The following RIMBP2 variants were observed in gnomAD, a reference collection of about 807,000 sequenced individuals.
The protein encoded by RIMBP2 is RIMS binding protein 2.
RIMBP2 carries 48 observed loss-of-function variants against 118.6 expected under a neutral mutation model. The observed-to-expected ratio is 0.40, with a 90% CI of 0.32 to 0.51. The LOEUF (loss-of-function observed/expected upper bound fraction) is 0.51. Among genes scored for constraint, RIMBP2 ranks in the 20% least tolerant of loss-of-function variants. The pLI, the probability that RIMBP2 is intolerant of heterozygous loss-of-function variation, is 0.41. For missense variants in RIMBP2, 1,551 were observed against 1,768.3 expected, an observed-to-expected ratio of 0.88 and a Z score of 2.20; for synonymous variants, 762 against 742.9, an observed-to-expected ratio of 1.03 and a Z score of -0.42.
rs1056680231 is a variant in RIMBP2 at position 130,621,872 on chromosome 12, C to T, written c.-217+6450G>A. 1.3e-5 allele frequency among the ~76,000 whole-genome samples: 2 copies of T among 152,160 alleles called. No homozygotes were observed. Among genetic ancestry groups the T allele is most frequent in the Non-Finnish European group, 2.9e-5 (2 of 68,028 alleles). Reference sequence around the variant, plus strand: ...GAACCCAGCCTGGTACTGAGGCCAGCAGGCCAGCATCACACACACTTCCCG... The same window carrying T: ...GAACCCAGCCTGGTACTGAGGCCAGTAGGCCAGCATCACACACACTTCCCG... On this transcript the variant is annotated intron_variant, in intron 2 of 22. Coordinates refer to ENST00000690449, the MANE Select transcript of RIMBP2 (RefSeq NM_001393629.1). This position sits in a 1 kb window ranked among gnomAD's most constrained non-coding sequence, Gnocchi z 6.6.
intron 2 of RIMBP2, among the ~76,000 whole-genome samples, chr12:130,604,435 G>T (rs936033969): frequency 6.7e-6 from 1 of 149,162 alleles, no homozygotes; most frequent in Admixed American, 6.7e-5. Context: ...GCCTACAGTC[G>T]TGCAGTGGAA....
At chr12:130,467,017 A>G (rs2080542719) in intron 6 of RIMBP2, among the ~76,000 whole-genome samples, 2 of 152,228 alleles carry the variant, frequency 1.3e-5, no homozygotes, top group African/African-American at 4.8e-5. Flanking sequence ...CCATTGCAAA[A>G]TGATAACTGA....
At position 130,446,265 on chromosome 12, in the gene RIMBP2, G is replaced by A. The variant is rs1201623439; in HGVS notation, c.582-996C>T. Among the ~76,000 whole-genome samples the A allele has an allele frequency of 6.6e-6, 1 of 152,174 alleles. No homozygotes were observed. Among genetic ancestry groups the A allele is most frequent in the South Asian group, 2.1e-4 (1 of 4,828 alleles). Reference sequence around the variant, plus strand: ...CCAGACACTGTAATATTATAATTATGATATGAAAATGATTCATGCATCAGT... The same window carrying A: ...CCAGACACTGTAATATTATAATTATAATATGAAAATGATTCATGCATCAGT... On this transcript the variant is annotated intron_variant, in intron 9 of 22. Transcript: ENST00000690449. The surrounding 1 kb of genome is among the most constrained non-coding windows in gnomAD (Gnocchi z 4.1).
intron 2 of RIMBP2, among the ~76,000 whole-genome samples, chr12:130,559,920 T>G (rs1593797958): frequency 6.6e-6 from 1 of 152,218 alleles, no homozygotes; most frequent in Admixed American, 6.5e-5. Flanking sequence ...CTCGAAGGGT[T>G]GTTTAGGACA....
At chr12:130,457,374 G>A (rs1405623501) in intron 6 of RIMBP2, among the ~76,000 whole-genome samples, 2 of 152,186 alleles carry the variant, frequency 1.3e-5, no homozygotes, top group Non-Finnish European at 2.9e-5. Context: ...CACAGGAAAG[G>A]GGTAGCCCAG....
chr12:130,573,199 T>C (rs186529605), intron 2 of RIMBP2, among the ~76,000 whole-genome samples: 1 of 152,106 alleles, frequency 6.6e-6, no homozygotes, highest in Admixed American at 6.6e-5. Flanking sequence ...TCTATACTTA[T>C]TCTATATTTA....
At chr12:130,474,946 T>C (rs1351130871) in intron 5 of RIMBP2, among the ~76,000 whole-genome samples, 1 of 152,190 alleles carries the variant, frequency 6.6e-6, no homozygotes, top group Non-Finnish European at 1.5e-5. Flanking sequence ...AAACGTCTGT[T>C]GAGTGAATGG....
intron 1 of RIMBP2, among the ~76,000 whole-genome samples, chr12:130,687,107 T>C (rs2065087894): frequency 6.6e-6 from 1 of 152,162 alleles, no homozygotes; most frequent in East Asian, 1.9e-4. Context: ...TTTTTTCAGG[T>C]CAGCGCCCAG....
chr12:130,408,423 G>A (rs559846888), intron 19 of RIMBP2, among the ~76,000 whole-genome samples: 8 of 152,288 alleles, frequency 5.3e-5, no homozygotes, highest in East Asian at 1.9e-4. Context: ...GTTTAGCAGC[G>A]GCCGTAGAGA....
intron 1 of RIMBP2, among the ~76,000 whole-genome samples, chr12:130,668,922 T>C (rs1470135608): frequency 1.3e-5 from 2 of 152,228 alleles, no homozygotes; most frequent in African/African-American, 4.8e-5. Context: ...AGAGCCCCTG[T>C]ACAGCGTTAG....
intron 17 of RIMBP2, among the ~76,000 whole-genome samples, chr12:130,415,400 C>G (rs958462135): frequency 1.3e-4 from 20 of 152,078 alleles, no homozygotes; most frequent in African/African-American, 4.8e-4. Flanking sequence ...AAAGATGTAC[C>G]TCAAAAATAG....
intron 1 of RIMBP2, among the ~76,000 whole-genome samples, chr12:130,651,956 T>C (rs2063249003): frequency 6.6e-6 from 1 of 152,218 alleles, no homozygotes; most frequent in Admixed American, 6.5e-5. Flanking sequence ...GGCTTTGAGG[T>C]TGTTTGCTGG....
In RIMBP2 at chr12:130,581,207, G is replaced by A. The variant is rs1301220769; in HGVS notation, c.-217+47115C>T. Among the ~76,000 whole-genome samples, 1 of 152,088 alleles carries A rather than the reference G, an allele frequency of 6.6e-6. No homozygotes were observed. Among genetic ancestry groups the A allele is most frequent in the East Asian group, 1.9e-4 (1 of 5,174 alleles). ...CTAGCTCAAGGGTGGCAGCCTCTGG[G>A]TCATCAACTGAAATGCCCCGTGGTC... On this transcript the variant is annotated intron_variant, in intron 2 of 22. Transcript: ENST00000690449. The surrounding 1 kb of genome is among the most constrained non-coding windows in gnomAD (Gnocchi z 4.4).
At chr12:130,585,240 G>A (rs1348747437) in intron 2 of RIMBP2, among the ~76,000 whole-genome samples, 4 of 152,106 alleles carry the variant, frequency 2.6e-5, no homozygotes, top group Non-Finnish European at 5.9e-5. Flanking sequence ...GTGTAACCAT[G>A]TCCCCCACGG....
At chr12:130,507,019 G>T (rs545207996) in intron 3 of RIMBP2, among the ~76,000 whole-genome samples, 8 of 152,204 alleles carry the variant, frequency 5.3e-5, no homozygotes, top group East Asian at 1.9e-4. Context: ...TTGGTTCAGG[G>T]TTGCAAATGT....
intron 2 of RIMBP2, among the ~76,000 whole-genome samples, chr12:130,551,473 A>T (rs1217948392): frequency 6.6e-6 from 1 of 152,236 alleles, no homozygotes; most frequent in East Asian, 1.9e-4. Context: ...AATCTAAAAA[A>T]AATGTCCCAT....
Position 130,581,479 on chromosome 12 carries a change from G to C in RIMBP2, c.-217+46843C>G, listed in dbSNP as rs1404919679. Among the ~76,000 whole-genome samples, 1 of 152,164 alleles carries C rather than the reference G, an allele frequency of 6.6e-6. No individual in the cohort carries two copies. Among genetic ancestry groups the C allele is most frequent in the Non-Finnish European group, 1.5e-5 (1 of 68,018 alleles). ...GCCCACCCAGCCTGTCCCAGTGGAG[G>C]TCTCAGAGGCATCATAAGAGCATCC... On this transcript the variant is annotated intron_variant, in intron 2 of 22. Transcript: ENST00000690449. This position sits in a 1 kb window ranked among gnomAD's most constrained non-coding sequence, Gnocchi z 4.4.
chr12:130,632,535 G>A (rs2062062868), intron 1 of RIMBP2, among the ~76,000 whole-genome samples: 1 of 152,132 alleles, frequency 6.6e-6, no homozygotes, highest in Admixed American at 6.5e-5. Flanking sequence ...TTCCTGGGCT[G>A]CCGGGATGTG....
At chr12:130,412,078 T>C (rs952712886) in intron 19 of RIMBP2, among the ~76,000 whole-genome samples, 3 of 152,114 alleles carry the variant, frequency 2.0e-5, no homozygotes, top group African/African-American at 7.2e-5. Context: ...AACTCATAAA[T>C]GTAATGTTGC....
Sources: allele counts gnomAD v4.1 joint callset (sites outside exome capture counted in the v4.1 genomes callset), GRCh38; gene constraint gnomAD v4.1.1; non-coding constraint Gnocchi (gnomAD v3.1); transcripts MANE v1.5; gene names NCBI Gene and HGNC (gene_info 2026-07-23, HGNC 2026-07-21).